The following AP1G1 variants were observed in gnomAD, a reference collection of about 807,000 sequenced individuals.
AP1G1 encodes adaptor related protein complex 1 subunit gamma 1.
In AP1G1, 7 loss-of-function variants were observed where a neutral mutation model predicts 108.3. The observed-to-expected ratio is 0.06, with a 90% confidence interval of 0.04 to 0.12. AP1G1 has a LOEUF of 0.12. Ranked by LOEUF, AP1G1 falls within the 10% of genes least tolerant of loss-of-function variation. The probability of loss-of-function intolerance (pLI) is 1.00; values close to 1 mark genes in which losing one functional copy is unlikely to be tolerated. For synonymous variants in AP1G1, 379 were observed against 353.5 expected (o/e 1.07, Z -0.81); for missense variants, 756 against 1,010.7 (o/e 0.75, Z 3.42).
chr16:71,782,879 G>A (rs1465096091), intron 2 of AP1G1, among the ~76,000 whole-genome samples: 2 of 152,094 alleles, frequency 1.3e-5, no homozygotes, highest in Non-Finnish European at 2.9e-5. Context: ...GATCTTTGCA[G>A]TCTTTCTTGC....
intron 19 of AP1G1, among the ~76,000 whole-genome samples, chr16:71,744,325 C>T (rs1197991850): frequency 1.3e-5 from 2 of 152,012 alleles, no homozygotes; most frequent in Non-Finnish European, 2.9e-5. Context: ...TATATATGAA[C>T]AGAAGAAAAA....
intron 2 of AP1G1, among the ~76,000 whole-genome samples, chr16:71,785,351 G>A (rs912508164): frequency 2.0e-5 from 3 of 150,760 alleles, no homozygotes; most frequent in Non-Finnish European, 4.4e-5. Context: ...CCAAGACGGT[G>A]GATCATTTGA....
At chr16:71,735,228 G>A (rs1041647633) in intron 21 of AP1G1, among the ~76,000 whole-genome samples, 17 of 152,202 alleles carry the variant, frequency 1.1e-4, no homozygotes, top group African/African-American at 4.1e-4. Flanking sequence ...AATCTATAAT[G>A]TGTCAGAGCC....
intron 2 of AP1G1, among the ~76,000 whole-genome samples, chr16:71,778,917 G>C (rs2031895241): frequency 6.6e-6 from 1 of 152,056 alleles, no homozygotes; most frequent in Non-Finnish European, 1.5e-5. Flanking sequence ...CTGCCCCTTA[G>C]GTAACAATCT....
At chr16:71,770,080 A>G (rs1350427206) in intron 5 of AP1G1, among the ~76,000 whole-genome samples, 1 of 152,232 alleles carries the variant, frequency 6.6e-6, no homozygotes, top group Non-Finnish European at 1.5e-5. Flanking sequence ...AGAGGCAAAA[A>G]TCTTAGTAAG....
chr16:71,778,704 G>GA (rs763390727), intron 2 of AP1G1, among the ~76,000 whole-genome samples: 2,274 of 130,088 alleles, frequency 0.017, 27 homozygotes, highest in Non-Finnish European at 0.028. Flanking sequence ...AAGAAAGAAA[G>GA]AAAAAAAAAA....
rs2030107860 is a variant in AP1G1 at position 71,745,196 on chromosome 16, T to C, written c.1947A>G (p.Pro649=). ...CAAGAAGTTCTCCACCAGCAGAAGA[T>C]GGTTTGCTTGTAGGCGCAGTTGGAA... ...PVIPTAPTSK[P]SSAGGELLDL... The change falls in exon 19 of 23, where the codon CCA becomes CCG. Residue 649 remains proline (P), a synonymous_variant. Coordinates refer to ENST00000299980, the MANE Select transcript of AP1G1 (RefSeq NM_001128.6). The C allele has an allele frequency of 3.1e-6, 5 of 1,614,208 alleles. No homozygotes were observed. In the South Asian group the frequency reaches 3.3e-5, roughly 11 times the overall value.
At chr16:71,774,679 C>T (rs2031708553) in intron 2 of AP1G1, 87 bp from the exon 3 acceptor site, 1 of 1,388,368 alleles carries the variant, frequency 7.2e-7, no homozygotes, top group Admixed American at 2.5e-5. Flanking sequence ...GAGTCCCCAG[C>T]TGGCTAAAGT....
intron 5 of AP1G1, among the ~76,000 whole-genome samples, chr16:71,770,265 C>T (rs1012388544): frequency 6.6e-6 from 1 of 152,164 alleles, no homozygotes; most frequent in Non-Finnish European, 1.5e-5. Flanking sequence ...ATTCTGGGCA[C>T]AGCACTGAAT....
intron 2 of AP1G1, among the ~76,000 whole-genome samples, chr16:71,787,080 G>C (rs988558245): frequency 1.3e-5 from 2 of 151,732 alleles, no homozygotes; most frequent in African/African-American, 4.8e-5. Context: ...CAGAACTTTA[G>C]GAGGCCGAGA....
intron 19 of AP1G1, among the ~76,000 whole-genome samples, chr16:71,741,152 A>G (rs1345288549): frequency 6.6e-6 from 1 of 152,246 alleles, no homozygotes; most frequent in Non-Finnish European, 1.5e-5. Context: ...ATTTCAAACT[A>G]CTTGTGAAAT....
At chr16:71,801,137 T>A (rs891766167) in intron 1 of AP1G1, among the ~76,000 whole-genome samples, 1 of 152,008 alleles carries the variant, frequency 6.6e-6, no homozygotes, top group Admixed American at 6.6e-5. Flanking sequence ...CGAAACCTCA[T>A]CTCTACTAAA....
intron 9 of AP1G1, 33 bp from the exon 10 acceptor site, chr16:71,761,600 A>C: frequency 1.3e-6 from 2 of 1,515,854 alleles, no homozygotes; most frequent in Non-Finnish European, 1.8e-6. Flanking sequence ...GAAATTTAGG[A>C]AAATGGAAGT....
intron 13 of AP1G1, 72 bp downstream of exon 13, chr16:71,753,761 A>AG (rs1452821980): frequency 5.9e-6 from 8 of 1,367,238 alleles, no homozygotes; most frequent in Non-Finnish European, 8.3e-6. Context: ...CTCCCTGACT[A>AG]GAACATAAAC....
At position 71,758,869 on chromosome 16, in the gene AP1G1, C is replaced by T; in HGVS notation, c.1027G>A (p.Val343Ile). ...ACAATTGTGCTTCTGTGCCTCTGTA[C>T]TGCATTATGATCTGTCTGTACAGTC... ...LKTVQTDHNA[V>I]QRHRSTIVDC... The change falls in exon 11 of 23, where the codon GTA becomes ATA. Residue 343 changes from valine to isoleucine, a missense_variant. Coordinates refer to ENST00000299980, the MANE Select transcript of AP1G1 (RefSeq NM_001128.6). 1.9e-6 allele frequency: 3 copies of T among 1,611,722 alleles called. No homozygotes were observed. The highest frequency in any genetic ancestry group is 1.1e-5 in the South Asian group (1 of 90,436).
At chr16:71,745,682 TTAACTA>T in intron 17 of AP1G1, 68 bp from the exon 18 acceptor site, 2 of 1,360,176 alleles carry the variant, frequency 1.5e-6, no homozygotes, top group South Asian at 2.3e-5. Context: ...ATAATCACCA[TTAACTA>T]TGTTGAGCCC....
intron 2 of AP1G1, among the ~76,000 whole-genome samples, chr16:71,777,401 G>A (rs1377094447): frequency 6.6e-6 from 1 of 152,072 alleles, no homozygotes. Context: ...TAGGTCAGGA[G>A]GTGGAACAAT....
At position 71,769,712 on chromosome 16, in the gene AP1G1, A is replaced by T; in HGVS notation, c.566-13T>A. 1 of 1,608,430 alleles carries T rather than the reference A, an allele frequency of 6.2e-7. No individual in the cohort carries two copies. Among genetic ancestry groups the T allele is most frequent in the Non-Finnish European group, 8.5e-7 (1 of 1,175,586 alleles). Reference sequence around the variant, plus strand: ...GTGTGGAGGACACCTGAAAGAAAAGATCAAAGGAAAACTAAAAATGAGGCC... The same window carrying T: ...GTGTGGAGGACACCTGAAAGAAAAGTTCAAAGGAAAACTAAAAATGAGGCC... On this transcript the variant is annotated splice_polypyrimidine_tract_variant and intron_variant, in intron 5 of 22. Transcript: ENST00000299980.
chr16:71,807,205 T>G (rs2033024057), intron 1 of AP1G1, among the ~76,000 whole-genome samples: 1 of 152,130 alleles, frequency 6.6e-6, no homozygotes, highest in Non-Finnish European at 1.5e-5. Context: ...GCGGGCGGAT[T>G]ACCTGAGCTC....
Sources: allele counts gnomAD v4.1 joint callset (sites outside exome capture counted in the v4.1 genomes callset), GRCh38; gene constraint gnomAD v4.1.1; transcripts MANE v1.5; gene names NCBI Gene and HGNC (gene_info 2026-07-23, HGNC 2026-07-21).